ANK3: variants seen among roughly 807,000 people sequenced by gnomAD.
The protein encoded by ANK3 is ankyrin-3.
ANK3 carries 57 observed loss-of-function variants against 370.9 expected under a neutral mutation model. The observed-to-expected ratio is 0.15, with a 90% CI of 0.12 to 0.19. ANK3 has a LOEUF of 0.19. Ranked by LOEUF, ANK3 falls within the 10% of genes least tolerant of loss-of-function variation. ANK3 has a pLI of 1.00. For synonymous variants in ANK3, 1,929 were observed against 1,946.3 expected, an observed-to-expected ratio of 0.99 and a Z score of 0.23; for missense variants, 4,439 against 5,302.1, an observed-to-expected ratio of 0.84 and a Z score of 5.06.
At chr10:60,381,947 C>T (rs1196201480) in intron 1 of ANK3, among the ~76,000 whole-genome samples, 3 of 152,156 alleles carry the variant, frequency 2.0e-5, no homozygotes, top group Non-Finnish European at 2.9e-5. Flanking sequence ...CCCCACATCG[C>T]TCCTTATTGC....
intron 33 of ANK3, 77 bp from the exon 34 acceptor site, chr10:60,082,814 G>A: frequency 6.7e-7 from 1 of 1,493,960 alleles, no homozygotes; most frequent in Non-Finnish European, 9.0e-7. Context: ...AGTTAAGCAT[G>A]GTTGTTTTAT....
intron 8 of ANK3, among the ~76,000 whole-genome samples, chr10:60,224,792 G>GAA (rs1184195851): frequency 6.6e-6 from 1 of 151,732 alleles, no homozygotes; most frequent in Non-Finnish European, 1.5e-5. Context: ...TGAAAACAAT[G>GAA]AAAAAAATGT....
intron 2 of ANK3, among the ~76,000 whole-genome samples, chr10:60,438,250 C>CAT (rs748162743): frequency 7.4e-4 from 112 of 151,302 alleles, no homozygotes; most frequent in Middle Eastern, 3.4e-3. Context: ...CATATAAATA[C>CAT]ATATATATAT....
At chr10:60,152,800 A>G (rs1483307456) in intron 23 of ANK3, among the ~76,000 whole-genome samples, 2 of 152,112 alleles carry the variant, frequency 1.3e-5, no homozygotes, top group African/African-American at 2.4e-5. Flanking sequence ...GAAGACTCCC[A>G]CATCCCCCAC....
intron 20 of ANK3, among the ~76,000 whole-genome samples, chr10:60,172,623 A>G (rs2095822572): frequency 6.6e-6 from 1 of 152,200 alleles, no homozygotes; most frequent in East Asian, 1.9e-4. Context: ...TTAACGTTCT[A>G]AGTAAGCAAT....
At chr10:60,583,738 A>G (rs1445997022) in intron 2 of ANK3, among the ~76,000 whole-genome samples, 1 of 151,834 alleles carries the variant, frequency 6.6e-6, no homozygotes, top group African/African-American at 2.4e-5. Flanking sequence ...GCATACTACC[A>G]TGCCTGGCTA....
At chr10:60,627,423 TAA>T (rs66643006) in intron 1 of ANK3, among the ~76,000 whole-genome samples, 2 of 150,648 alleles carry the variant, frequency 1.3e-5, no homozygotes, top group Non-Finnish European at 3.0e-5. Context: ...AAAATAAAAA[TAA>T]AAAAAAGGCA....
At chr10:60,203,451 T>C (rs998015872) in intron 11 of ANK3, among the ~76,000 whole-genome samples, 1 of 152,206 alleles carries the variant, frequency 6.6e-6, no homozygotes, top group Non-Finnish European at 1.5e-5. Context: ...TATGTGTGTG[T>C]GTAGAAGGAG....
At chr10:60,365,655 A>C (rs1438613635) in intron 1 of ANK3, among the ~76,000 whole-genome samples, 2 of 152,226 alleles carry the variant, frequency 1.3e-5, no homozygotes, top group East Asian at 3.8e-4. Flanking sequence ...CTTATTTAGC[A>C]CTTCTAAAAC....
intron 1 of ANK3, among the ~76,000 whole-genome samples, chr10:60,327,441 C>T (rs973358079): frequency 6.6e-6 from 1 of 152,090 alleles, no homozygotes; most frequent in Non-Finnish European, 1.5e-5. Flanking sequence ...GTAAATACTG[C>T]CTATACAAAA....
intron 2 of ANK3, among the ~76,000 whole-genome samples, chr10:60,432,078 C>G (rs369426035): frequency 6.6e-6 from 1 of 152,092 alleles, no homozygotes; most frequent in South Asian, 2.1e-4. Context: ...GTTTGCCATC[C>G]CTGTTTATAA....
At chr10:60,468,931 A>G (rs1216692303) in intron 2 of ANK3, among the ~76,000 whole-genome samples, 1 of 145,144 alleles carries the variant, frequency 6.9e-6, no homozygotes, top group African/African-American at 2.5e-5. Flanking sequence ...GTGTGTGTGT[A>G]TATATACACA....
Position 60,084,779 on chromosome 10 carries a change from C to T in ANK3, c.3897G>A (p.Thr1299=), listed in dbSNP as rs150367434. The change falls in exon 32 of 44, where the codon ACG becomes ACA. Residue 1299 remains threonine, a synonymous_variant. Transcript: ENST00000280772. Reference sequence around the variant, plus strand: ...CACATATCAATTCTCTGTACAGTTGCGTGGCTAACCCCACAGTTTCTAAAA... The same window carrying T: ...CACATATCAATTCTCTGTACAGTTGTGTGGCTAACCCCACAGTTTCTAAAA... ...HQVLETVGLA[T]QLYRELICVP... 1.5e-3 allele frequency: 2,430 copies of T among 1,592,418 alleles called. 6 individuals are homozygous for T. Among genetic ancestry groups the T allele is most frequent in the Middle Eastern group, 2.8e-3 (17 of 5,978 alleles).
chr10:60,655,337 G>A (rs10994459), intron 1 of ANK3, among the ~76,000 whole-genome samples: 17,385 of 151,894 alleles, frequency 0.11, 1,455 homozygotes, highest in East Asian at 0.27. Flanking sequence ...GACCTTCCAG[G>A]GGGACAAATT....
upstream of ANK3, among the ~76,000 whole-genome samples, chr10:60,390,707 T>C (rs974642652): frequency 2.8e-5 from 4 of 142,476 alleles, no homozygotes; most frequent in African/African-American, 5.4e-5. Flanking sequence ...GCCTAAAACA[T>C]ATGAGACCTA....
At chr10:60,333,997 T>C (rs1265932122) in intron 1 of ANK3, among the ~76,000 whole-genome samples, 1 of 152,210 alleles carries the variant, frequency 6.6e-6, no homozygotes, top group Non-Finnish European at 1.5e-5. Flanking sequence ...ATGTATTGGT[T>C]AGTTGTGTTT....
intron 2 of ANK3, among the ~76,000 whole-genome samples, chr10:60,448,018 G>C (rs1291452225): frequency 2.6e-5 from 4 of 152,190 alleles, no homozygotes; most frequent in Non-Finnish European, 5.9e-5. Flanking sequence ...CCCCCTGCCA[G>C]AGGGAATCCT....
intron 2 of ANK3, among the ~76,000 whole-genome samples, chr10:60,495,538 C>T (rs1300478354): frequency 6.6e-6 from 1 of 152,098 alleles, no homozygotes; most frequent in East Asian, 1.9e-4. Context: ...TCTCAGAATT[C>T]GAGTGCAATG....
chr10:60,096,148 G>C (rs192275154), intron 28 of ANK3, among the ~76,000 whole-genome samples: 10 of 152,196 alleles, frequency 6.6e-5, no homozygotes, highest in Admixed American at 6.5e-4. Context: ...ACTGCAGCCT[G>C]GGTGACACAG....
Sources: allele counts gnomAD v4.1 joint callset (sites outside exome capture counted in the v4.1 genomes callset), GRCh38; gene constraint gnomAD v4.1.1; transcripts MANE v1.5; gene names NCBI Gene and HGNC (gene_info 2026-07-23, HGNC 2026-07-21).